Variants in ADCY2 observed in about 807,000 individuals in gnomAD.
The protein encoded by ADCY2 is adenylate cyclase 2, also known as adenylate cyclase type 2.
Under a neutral mutation model 125.2 loss-of-function variants are expected in ADCY2, and 31 were observed. That is an observed-to-expected ratio of 0.25 (90% CI 0.19 to 0.33). The LOEUF is 0.33. Among genes scored for constraint, ADCY2 ranks in the 10% least tolerant of loss-of-function variants. The pLI is 1.00. For synonymous variants in ADCY2, 512 were observed against 548.4 expected (o/e 0.93, Z 0.93); for missense variants, 904 against 1,418.2 (o/e 0.64, Z 5.82).
Position 7,709,309 on chromosome 5 carries a change from C to A in ADCY2, c.1500C>A (p.Ser500=). 1 of 1,613,768 alleles carries A rather than the reference C, an allele frequency of 6.2e-7. No homozygotes were observed. The highest frequency in any genetic ancestry group is 1.3e-5 in the African/African-American group (1 of 75,012). Residue 500 remains serine, a synonymous_variant, in exon 10 of 25, where the codon TCC becomes TCA. Transcript: ENST00000338316. This position sits in a 1 kb window ranked among gnomAD's most constrained non-coding sequence, Gnocchi z 4.4. The part of the protein sequence containing the change: ...ASVRMTRYLE[S]WGAAKPFAHL... Reference sequence around the variant, plus strand: ...TCCGCATGACCCGGTACTTGGAGTCCTGGGGGGCAGCCAAGCCCTTTGCAC... The same window carrying A: ...TCCGCATGACCCGGTACTTGGAGTCATGGGGGGCAGCCAAGCCCTTTGCAC...
intron 2 of ADCY2, among the ~76,000 whole-genome samples, chr5:7,428,609 A>T (rs192590798): frequency 9.1e-4 from 138 of 152,294 alleles, no homozygotes; most frequent in African/African-American, 3.0e-3. Flanking sequence ...CAAAGCTGAG[A>T]TTAATAAGTA....
At chr5:7,646,995 T>G (rs761093228) in intron 4 of ADCY2, among the ~76,000 whole-genome samples, 1 of 152,182 alleles carries the variant, frequency 6.6e-6, no homozygotes, top group Non-Finnish European at 1.5e-5. Context: ...TCCTCTGATG[T>G]GTTCAATCTG....
At chr5:7,811,432 C>T (rs967256546) in intron 22 of ADCY2, among the ~76,000 whole-genome samples, 2 of 150,812 alleles carry the variant, frequency 1.3e-5, no homozygotes, top group Non-Finnish European at 2.9e-5. Context: ...ACCCGGGAGG[C>T]GGAGCTTGCA....
chr5:7,724,557 G>A lies in ADCY2; in HGVS notation c.1716G>A (p.Lys572=). The change falls in exon 13 of 25, where the codon AAG becomes AAA. Residue 572 remains lysine (K), a synonymous_variant. Transcript: ENST00000338316. Reference sequence around the variant, plus strand: ...TTTCTATTTCCAGGCAATGGCTCAAGTCTGAAGACATTCAGAGAATCTCAC... The same window carrying A: ...TTTCTATTTCCAGGCAATGGCTCAAATCTGAAGACATTCAGAGAATCTCAC... ...DGINAQKQWL[K]SEDIQRISLL... 1.2e-6 allele frequency: 2 copies of A among 1,606,894 alleles called. No homozygotes were observed. The highest frequency in any genetic ancestry group is 1.7e-6 in the Non-Finnish European group (2 of 1,178,076).
chr5:7,599,169 G>A (rs1397978639), intron 3 of ADCY2, among the ~76,000 whole-genome samples: 2 of 151,778 alleles, frequency 1.3e-5, no homozygotes, highest in Admixed American at 1.3e-4. Flanking sequence ...TGCAGGGATA[G>A]CCCGGGGCAG....
At chr5:7,507,009 G>C (rs1743848322) in intron 2 of ADCY2, among the ~76,000 whole-genome samples, 1 of 149,214 alleles carries the variant, frequency 6.7e-6, no homozygotes, top group Non-Finnish European at 1.5e-5. Context: ...GGATGGTCTC[G>C]ATCTCCTGAC....
chr5:7,410,434 A>C (rs1739663643), intron 1 of ADCY2, among the ~76,000 whole-genome samples: 1 of 152,178 alleles, frequency 6.6e-6, no homozygotes, highest in Non-Finnish European at 1.5e-5. Context: ...TCACATAAGG[A>C]ATAAAAGTGA....
At chr5:7,758,676 A>G (rs1743093878) in intron 16 of ADCY2, among the ~76,000 whole-genome samples, 2 of 152,092 alleles carry the variant, frequency 1.3e-5, no homozygotes, top group Non-Finnish European at 2.9e-5. Flanking sequence ...CCTCATCATC[A>G]AGTCATTCTG....
At chr5:7,442,354 G>A (rs1741045000) in intron 2 of ADCY2, among the ~76,000 whole-genome samples, 1 of 151,976 alleles carries the variant, frequency 6.6e-6, no homozygotes, top group African/African-American at 2.4e-5. Flanking sequence ...TATCTCCTTG[G>A]GCTTTTAGCT....
At chr5:7,693,407 T>TTTG in intron 5 of ADCY2, among the ~76,000 whole-genome samples, 1 of 38,338 alleles carries the variant, frequency 2.6e-5, no homozygotes, top group African/African-American at 1.2e-4. Flanking sequence ...TTGCCTGCTG[T>TTTG]TTTTTGTTTT....
intron 4 of ADCY2, among the ~76,000 whole-genome samples, chr5:7,636,268 C>G (rs1240859616): frequency 6.6e-6 from 1 of 152,244 alleles, no homozygotes. Context: ...CACACAGGCT[C>G]AACCAGCAGG....
chr5:7,743,183 A>C (rs1361683017), intron 14 of ADCY2, among the ~76,000 whole-genome samples: 1 of 152,062 alleles, frequency 6.6e-6, no homozygotes, highest in African/African-American at 2.4e-5. Flanking sequence ...GTTGAACAAA[A>C]TAGGTTGAAT....
chr5:7,581,819 C>CAAAAAAAAAAAAAAAAGAAAAA (rs1275997436), intron 3 of ADCY2, among the ~76,000 whole-genome samples: 2 of 123,792 alleles, frequency 1.6e-5, no homozygotes. Flanking sequence ...GACTCAGTCT[C>CAAAAAAAAAAAAAAAAGAAAAA]AAAAAAAAAA....
chr5:7,412,379 T>C (rs1739758608), intron 1 of ADCY2, among the ~76,000 whole-genome samples: 1 of 152,136 alleles, frequency 6.6e-6, no homozygotes, highest in South Asian at 2.1e-4. Flanking sequence ...TGAGGCTCAT[T>C]TGGGGAGGTT....
chr5:7,748,519 AACACACACACACACACACACAC>A (rs35989915), intron 15 of ADCY2, among the ~76,000 whole-genome samples: 1 of 90,116 alleles, frequency 1.1e-5, no homozygotes. Flanking sequence ...CCCACCCTCC[AACACACACACACACACACACAC>A]ACACACACAC....
intron 3 of ADCY2, among the ~76,000 whole-genome samples, chr5:7,617,829 A>C (rs1737816237): frequency 6.6e-6 from 1 of 152,194 alleles, no homozygotes; most frequent in Non-Finnish European, 1.5e-5. Flanking sequence ...TCAGCATTTG[A>C]TTCTATCAAG....
At chr5:7,445,994 T>A (rs1482587111) in intron 2 of ADCY2, among the ~76,000 whole-genome samples, 1 of 152,212 alleles carries the variant, frequency 6.6e-6, no homozygotes, top group African/African-American at 2.4e-5. Context: ...TTGCATCGTC[T>A]AATACATCCA....
intron 4 of ADCY2, among the ~76,000 whole-genome samples, chr5:7,680,926 A>G (rs1258056314): frequency 6.6e-6 from 1 of 152,228 alleles, no homozygotes; most frequent in Non-Finnish European, 1.5e-5. Context: ...TGCATTTTCT[A>G]AAGACAAAGA....
At chr5:7,699,081 A>ATCTTTT (rs1740990701) in intron 7 of ADCY2, among the ~76,000 whole-genome samples, 1 of 37,964 alleles carries the variant, frequency 2.6e-5, no homozygotes. Context: ...AACAGTAAGC[A>ATCTTTT]TTTTTTTTTT....
Sources: gnomAD v4.1 joint callset for allele counts (sites outside exome capture counted in the v4.1 genomes callset) on GRCh38, gnomAD v4.1.1 for gene constraint, Gnocchi (gnomAD v3.1) non-coding constraint, MANE v1.5 for transcripts, NCBI Gene and HGNC (gene_info 2026-07-23, HGNC 2026-07-21) for gene names.